Variants in SNTG2 observed in about 807,000 individuals in gnomAD.
The protein encoded by SNTG2 is gamma-2-syntrophin.
In SNTG2, 74 loss-of-function variants were observed where a neutral mutation model predicts 70.9. The observed-to-expected ratio is 1.04, with a 90% CI of 0.86 to 1.27. The LOEUF is 1.27. SNTG2 is among the 50% of genes most tolerant of loss of function. SNTG2 has a pLI of 0.00. For missense variants in SNTG2, 717 were observed against 690.7 expected, an observed-to-expected ratio of 1.04 and a Z score of -0.43; for synonymous variants, 278 against 273.8, an observed-to-expected ratio of 1.02 and a Z score of -0.15.
intron 16 of SNTG2, 29 bp from the exon 17 acceptor site, chr2:1,367,314 T>C (rs1373438794): frequency 1.3e-6 from 2 of 1,504,672 alleles, no homozygotes; most frequent in East Asian, 5.0e-5. Flanking sequence ...ACAATTATAA[T>C]AAACACTTGA....
At chr2:1,056,283 CGCCGTGCTGTGGGG>C (rs1662397253) in intron 1 of SNTG2, among the ~76,000 whole-genome samples, 2 of 25,866 alleles carry the variant, frequency 7.7e-5, no homozygotes, top group African/African-American at 4.0e-4. Flanking sequence ...GGAGAGGCCG[CGCCGTGCTGTGGGG>C]AGGGAGGGAG....
At chr2:1,321,219 A>G (rs2148271007) in intron 16 of SNTG2, among the ~76,000 whole-genome samples, 1 of 152,346 alleles carries the variant, frequency 6.6e-6, no homozygotes, top group South Asian at 2.1e-4. Flanking sequence ...TAATGACTCC[A>G]TGCAGATGCA....
At position 1,149,905 on chromosome 2, in the gene SNTG2, G is replaced by A. The variant is rs188425798; in HGVS notation, c.411+12096G>A. ...GGGTTTCACCATGTTAGCCAGGATG[G>A]TCTCAATCTCCTGACCTTGTGATCC... On this transcript the variant is annotated intron_variant, in intron 6 of 16. Transcript: ENST00000308624. Among the ~76,000 whole-genome samples the A allele has an allele frequency of 3.7e-3, 559 of 151,670 alleles. 6 individuals carry two copies. The highest frequency in any genetic ancestry group is 0.03 in the Admixed American group (458 of 15,254).
At chr2:1,335,200 T>C (rs1416421427) in intron 16 of SNTG2, among the ~76,000 whole-genome samples, 1 of 152,216 alleles carries the variant, frequency 6.6e-6, no homozygotes, top group Non-Finnish European at 1.5e-5. Context: ...CATCAGCTGC[T>C]GGCTTTCCAT....
At chr2:1,283,056 T>G (rs1679619503) in intron 14 of SNTG2, among the ~76,000 whole-genome samples, 1 of 152,140 alleles carries the variant, frequency 6.6e-6, no homozygotes, top group African/African-American at 2.4e-5. Context: ...CAGTCTTCCA[T>G]GCACCGCCCA....
intron 8 of SNTG2, among the ~76,000 whole-genome samples, chr2:1,173,656 A>G (rs978129111): frequency 6.6e-6 from 1 of 152,230 alleles, no homozygotes; most frequent in Non-Finnish European, 1.5e-5. Context: ...GCTCCCTGGG[A>G]CATGGGGCTC....
intron 14 of SNTG2, among the ~76,000 whole-genome samples, chr2:1,284,606 G>C (rs562737113): frequency 6.6e-6 from 1 of 152,154 alleles, no homozygotes; most frequent in Admixed American, 6.5e-5. Flanking sequence ...TGCATATGGG[G>C]CCCTAAAGGA....
At position 1,180,410 on chromosome 2, in the gene SNTG2, C is replaced by T. The variant is rs1181915688; in HGVS notation, c.591+7227C>T. ...ACCCCATCAAAAAGTGGGCAAAGGA[C>T]ATGAACAGACACTTCTCAAAAGAAG... On this transcript the variant is annotated intron_variant, in intron 8 of 16. Transcript: ENST00000308624. Among the ~76,000 whole-genome samples, 316 of 112,984 alleles carry T rather than the reference C, an allele frequency of 2.8e-3. 3 individuals are homozygous for T. Among genetic ancestry groups the T allele is most frequent in the African/African-American group, 6.3e-3 (200 of 31,954 alleles). 74.1% of individuals were successfully genotyped at this position (112,984 alleles called of 152,430 possible).
intron 1 of SNTG2, among the ~76,000 whole-genome samples, chr2:952,988 T>G (rs1660028029): frequency 6.6e-6 from 1 of 152,256 alleles, no homozygotes; most frequent in Non-Finnish European, 1.5e-5. Context: ...TTGGTGCTTT[T>G]AACTAGAAAA....
At chr2:1,310,259 A>T (rs1355683294) in intron 15 of SNTG2, among the ~76,000 whole-genome samples, 1 of 152,114 alleles carries the variant, frequency 6.6e-6, no homozygotes, top group Admixed American at 6.5e-5. Context: ...ACGCTGGCCC[A>T]CCGGCCCCAT....
chr2:1,360,763 C>A (rs1196822948), intron 16 of SNTG2, among the ~76,000 whole-genome samples: 4 of 152,116 alleles, frequency 2.6e-5, no homozygotes, highest in Non-Finnish European at 4.4e-5. Context: ...CACAGATGAG[C>A]AAACCCTTCA....
intron 1 of SNTG2, among the ~76,000 whole-genome samples, chr2:1,042,020 A>G (rs1572281394): frequency 6.6e-6 from 1 of 152,312 alleles, no homozygotes; most frequent in East Asian, 1.9e-4. Context: ...TAACATTTAC[A>G]TACACCATTA....
intron 1 of SNTG2, among the ~76,000 whole-genome samples, chr2:981,941 AAC>A (rs1302865030): frequency 1.3e-5 from 2 of 152,096 alleles, no homozygotes; most frequent in Admixed American, 6.5e-5. Context: ...CATGCACATG[AAC>A]ACACATGTCC....
At chr2:1,234,666 G>C (rs1676487943) in intron 9 of SNTG2, among the ~76,000 whole-genome samples, 2 of 152,126 alleles carry the variant, frequency 1.3e-5, no homozygotes, top group African/African-American at 4.8e-5. Context: ...TCTGCCCCTC[G>C]TGCGAGTCCG....
intron 15 of SNTG2, among the ~76,000 whole-genome samples, chr2:1,313,622 A>G (rs1681120894): frequency 6.6e-6 from 1 of 152,246 alleles, no homozygotes; most frequent in Non-Finnish European, 1.5e-5. Context: ...TTTCAGGTGC[A>G]GAAGAGAAAA....
chr2:1,321,555 G>A (rs941659560), intron 16 of SNTG2, among the ~76,000 whole-genome samples: 20 of 152,228 alleles, frequency 1.3e-4, no homozygotes, highest in South Asian at 2.1e-4. Context: ...CAGGAGCACC[G>A]ATCGATGCCC....
chr2:1,001,945 C>T (rs796316672), intron 1 of SNTG2, among the ~76,000 whole-genome samples: 1 of 151,784 alleles, frequency 6.6e-6, no homozygotes, highest in Non-Finnish European at 1.5e-5. Context: ...AATAGAGAAC[C>T]CAGACATAAA....
intron 14 of SNTG2, among the ~76,000 whole-genome samples, chr2:1,296,335 CTT>C (rs1404844182): frequency 6.6e-6 from 1 of 152,212 alleles, no homozygotes; most frequent in Non-Finnish European, 1.5e-5. Flanking sequence ...TTTTATAAAA[CTT>C]ATACATATTT....
At chr2:1,290,680 G>A (rs1184125882) in intron 14 of SNTG2, among the ~76,000 whole-genome samples, 3 of 152,152 alleles carry the variant, frequency 2.0e-5, no homozygotes, top group Non-Finnish European at 4.4e-5. Flanking sequence ...AGCACTAGGA[G>A]GATGGTGCTA....
Sources: gnomAD v4.1 joint callset for allele counts (sites outside exome capture counted in the v4.1 genomes callset) on GRCh38, gnomAD v4.1.1 for gene constraint, MANE v1.5 for transcripts, NCBI Gene and HGNC (gene_info 2026-07-23, HGNC 2026-07-21) for gene names.